DLGAP2: variants seen among roughly 807,000 people sequenced by gnomAD.
The protein encoded by DLGAP2 is disks large-associated protein 2.
DLGAP2 carries 26 observed loss-of-function variants against 100.3 expected under a neutral mutation model. That is an observed-to-expected ratio of 0.26 (90% CI 0.19 to 0.36). The LOEUF (loss-of-function observed/expected upper bound fraction) is 0.36, where lower values mean the gene tolerates loss of function less well. DLGAP2 is among the 10% of genes least tolerant of loss of function. DLGAP2 has a pLI of 1.00. For missense variants in DLGAP2, 1,858 were observed against 1,453.2 expected, an observed-to-expected ratio of 1.28 and a Z score of -4.53; for synonymous variants, 886 against 630.1, an observed-to-expected ratio of 1.41 and a Z score of -6.08.
chr8:1,417,571 G>A (rs1260282177), intron 3 of DLGAP2, among the ~76,000 whole-genome samples: 2 of 139,056 alleles, frequency 1.4e-5, no homozygotes, highest in African/African-American at 5.5e-5. Flanking sequence ...CAGGGGAGGA[G>A]AGGAGAAAAT....
At chr8:1,188,607 A>T (rs1797567846) in intron 2 of DLGAP2, among the ~76,000 whole-genome samples, 2 of 152,080 alleles carry the variant, frequency 1.3e-5, no homozygotes, top group South Asian at 4.1e-4. Flanking sequence ...GACGTCCGTG[A>T]CATTTGCCTC....
intron 3 of DLGAP2, among the ~76,000 whole-genome samples, chr8:1,339,952 T>G (rs905543793): frequency 6.6e-6 from 1 of 152,268 alleles, no homozygotes; most frequent in Non-Finnish European, 1.5e-5. Context: ...ATCGTGATCT[T>G]GCTTAAATGT....
intron 1 of DLGAP2, among the ~76,000 whole-genome samples, chr8:785,008 C>G (rs996847432): frequency 1.3e-5 from 2 of 151,716 alleles, no homozygotes; most frequent in Non-Finnish European, 2.9e-5. Flanking sequence ...GAGATCGAGA[C>G]CATCCTGGCT....
intron 3 of DLGAP2, among the ~76,000 whole-genome samples, chr8:1,270,774 CTG>C (rs1799566931): frequency 6.6e-6 from 1 of 150,702 alleles, no homozygotes; most frequent in African/African-American, 2.4e-5. Flanking sequence ...GTGTGTCTCT[CTG>C]TGTGTGTCTA....
chr8:899,840 C>G (rs1220922126), intron 1 of DLGAP2, among the ~76,000 whole-genome samples: 1 of 152,180 alleles, frequency 6.6e-6, no homozygotes, highest in Non-Finnish European at 1.5e-5. Context: ...CGTGGTGTAA[C>G]TGCACGTATT....
chr8:997,186 C>A (rs550239855), intron 2 of DLGAP2, among the ~76,000 whole-genome samples: 2 of 152,274 alleles, frequency 1.3e-5, no homozygotes, highest in Admixed American at 1.3e-4. Context: ...GAGTAGAATT[C>A]ACTTAGCAAC....
At chr8:1,005,443 C>G (rs546632118) in intron 2 of DLGAP2, among the ~76,000 whole-genome samples, 1 of 139,850 alleles carries the variant, frequency 7.2e-6, no homozygotes, top group South Asian at 2.4e-4. Flanking sequence ...GGGTCTTGCT[C>G]TGTCACCCAG....
At chr8:988,372 C>T (rs1199399694) in intron 2 of DLGAP2, among the ~76,000 whole-genome samples, 1 of 152,324 alleles carries the variant, frequency 6.6e-6, no homozygotes, top group South Asian at 2.1e-4. Context: ...ATTCTTTATT[C>T]TTCTCTCCGA....
At chr8:864,090 C>T (rs1473986174) in intron 1 of DLGAP2, among the ~76,000 whole-genome samples, 3 of 152,112 alleles carry the variant, frequency 2.0e-5, no homozygotes, top group African/African-American at 7.2e-5. Context: ...TAAAGTGAGC[C>T]AGGCAGAGAA....
chr8:1,625,920 C>G (rs1473982494), intron 6 of DLGAP2, among the ~76,000 whole-genome samples: 2 of 146,692 alleles, frequency 1.4e-5, no homozygotes, highest in Admixed American at 6.9e-5. Flanking sequence ...AAATGTGATG[C>G]TAGCCTCTGG....
intron 3 of DLGAP2, among the ~76,000 whole-genome samples, chr8:1,414,464 G>A (rs938529186): frequency 6.6e-6 from 1 of 152,248 alleles, no homozygotes; most frequent in Non-Finnish European, 1.5e-5. Flanking sequence ...GGGGACATGA[G>A]GGACTGACCA....
intron 8 of DLGAP2, among the ~76,000 whole-genome samples, chr8:1,641,070 G>A (rs865791192): frequency 6.6e-6 from 1 of 152,136 alleles, no homozygotes; most frequent in Non-Finnish European, 1.5e-5. Flanking sequence ...GGTAAGGGTC[G>A]GGTGTCGGAG....
intron 4 of DLGAP2, among the ~76,000 whole-genome samples, chr8:1,540,031 C>T (rs1801308399): frequency 6.6e-6 from 1 of 152,196 alleles, no homozygotes; most frequent in South Asian, 2.1e-4. Flanking sequence ...AGGACCCAGA[C>T]AGGGCCTCCT....
chr8:1,085,303 C>T (rs1320926391), intron 2 of DLGAP2, among the ~76,000 whole-genome samples: 1 of 151,694 alleles, frequency 6.6e-6, no homozygotes, highest in East Asian at 2.0e-4. Context: ...TTTCTCCTAA[C>T]CTGTAGGCTA....
intron 1 of DLGAP2, among the ~76,000 whole-genome samples, chr8:788,537 C>T (rs1281035886): frequency 6.6e-6 from 1 of 152,146 alleles, no homozygotes; most frequent in Non-Finnish European, 1.5e-5. Context: ...TATATTTTAC[C>T]CTTAGATAAG....
chr8:1,260,116 G>A (rs757441767), intron 3 of DLGAP2, among the ~76,000 whole-genome samples: 6 of 152,146 alleles, frequency 3.9e-5, no homozygotes, highest in African/African-American at 7.2e-5. Flanking sequence ...GGCAGAGGCC[G>A]CCTGTGATGG....
intron 14 of DLGAP2, among the ~76,000 whole-genome samples, chr8:1,697,786 C>T (rs983708205): frequency 5.3e-5 from 8 of 152,116 alleles, no homozygotes; most frequent in Non-Finnish European, 8.8e-5. Flanking sequence ...CTTATTGAAC[C>T]GTTTGATGAA....
chr8:1,077,748 G>A (rs1227403838), intron 2 of DLGAP2, among the ~76,000 whole-genome samples: 17 of 152,268 alleles, frequency 1.1e-4, no homozygotes, highest in East Asian at 1.9e-4. Flanking sequence ...ATTAGCCCAC[G>A]CAGTGGTTAC....
intron 3 of DLGAP2, among the ~76,000 whole-genome samples, chr8:1,289,701 C>G (rs903825927): frequency 6.6e-6 from 1 of 151,912 alleles, no homozygotes; most frequent in Non-Finnish European, 1.5e-5. Flanking sequence ...CACAGAAGTA[C>G]CCCCCCGAGG....
Sources: allele counts gnomAD v4.1 joint callset (sites outside exome capture counted in the v4.1 genomes callset), GRCh38; gene constraint gnomAD v4.1.1; transcripts MANE v1.5; gene names NCBI Gene and HGNC (gene_info 2026-07-23, HGNC 2026-07-21).